Variants in FRAS1 observed in about 807,000 individuals in gnomAD.
FRAS1 encodes extracellular matrix organizing protein FRAS1.
FRAS1 carries 290 observed loss-of-function variants against 435.2 expected under a neutral mutation model. That is an observed-to-expected ratio of 0.67 (90% CI 0.61 to 0.73). The LOEUF is 0.73. Among genes scored for constraint, FRAS1 ranks in the 30% least tolerant of loss-of-function variants. FRAS1 has a pLI of 0.00. For synonymous variants in FRAS1, 1,800 were observed against 1,851.0 expected, an observed-to-expected ratio of 0.97 and a Z score of 0.71; for missense variants, 4,860 against 5,001.5, an observed-to-expected ratio of 0.97 and a Z score of 0.85.
intron 9 of FRAS1, among the ~76,000 whole-genome samples, chr4:78,276,689 G>T (rs945344373): frequency 6.6e-6 from 1 of 152,192 alleles, no homozygotes; most frequent in Admixed American, 6.5e-5. Flanking sequence ...TTGTCTCAGA[G>T]GGGCACCCGG....
At chr4:78,230,890 A>G (rs1425860622) in intron 2 of FRAS1, among the ~76,000 whole-genome samples, 1 of 152,200 alleles carries the variant, frequency 6.6e-6, no homozygotes, top group Non-Finnish European at 1.5e-5. Context: ...TCCAGGGTCT[A>G]TCTACATATA....
chr4:78,426,889 A>C (rs1489788828), intron 35 of FRAS1, among the ~76,000 whole-genome samples: 1 of 152,188 alleles, frequency 6.6e-6, no homozygotes, highest in Non-Finnish European at 1.5e-5. Context: ...GCTTTTTTCC[A>C]CTTACTTACA....
intron 9 of FRAS1, among the ~76,000 whole-genome samples, chr4:78,270,134 C>G (rs1726577911): frequency 6.6e-6 from 1 of 152,118 alleles, no homozygotes; most frequent in African/African-American, 2.4e-5. Context: ...GAGTGAACTC[C>G]CCACTGCAGT....
At chr4:78,506,685 TC>T (rs1309045115) in intron 61 of FRAS1, among the ~76,000 whole-genome samples, 7 of 151,940 alleles carry the variant, frequency 4.6e-5, no homozygotes, top group Non-Finnish European at 1.0e-4. Flanking sequence ...GAAAAGGAAA[TC>T]CCCCGACCCC....
At chr4:78,364,299 T>A (rs1731185428) in intron 22 of FRAS1, among the ~76,000 whole-genome samples, 1 of 152,230 alleles carries the variant, frequency 6.6e-6, no homozygotes, top group African/African-American at 2.4e-5. Context: ...CTGTATGATC[T>A]TGGGCAGGTT....
intron 25 of FRAS1, 54 bp downstream of exon 25, chr4:78,374,305 C>T: frequency 2.7e-6 from 4 of 1,492,840 alleles, no homozygotes; most frequent in Non-Finnish European, 3.6e-6. Context: ...GCAAGTAAGT[C>T]ACATGTGCTG....
At chr4:78,427,921 T>C (rs1734057946) in intron 35 of FRAS1, among the ~76,000 whole-genome samples, 1 of 152,210 alleles carries the variant, frequency 6.6e-6, no homozygotes, top group Non-Finnish European at 1.5e-5. Flanking sequence ...CAGAAGAAAG[T>C]GAGGAAGGAA....
chr4:78,237,434 C>A, intron 2 of FRAS1, 76 bp from the exon 3 acceptor site: 1 of 965,320 alleles, frequency 1.0e-6, no homozygotes, highest in Non-Finnish European at 1.7e-6. Context: ...GGATGTGGGA[C>A]TATTGATGGT....
intron 9 of FRAS1, among the ~76,000 whole-genome samples, chr4:78,276,673 G>A (rs1382774884): frequency 6.6e-6 from 1 of 152,218 alleles, no homozygotes; most frequent in Non-Finnish European, 1.5e-5. Context: ...CATTCCTCTG[G>A]AAGCTTTGTC....
At chr4:78,463,009 A>G (rs1257083623) in intron 47 of FRAS1, among the ~76,000 whole-genome samples, 1 of 152,232 alleles carries the variant, frequency 6.6e-6, no homozygotes, top group Non-Finnish European at 1.5e-5. Flanking sequence ...CCCAGAAAAC[A>G]GCAAATCAAT....
chr4:78,228,310 A>C (rs759465558), intron 2 of FRAS1, among the ~76,000 whole-genome samples: 1 of 152,210 alleles, frequency 6.6e-6, no homozygotes, highest in Non-Finnish European at 1.5e-5. Flanking sequence ...TGGAAAGATG[A>C]GGCACATGTT....
chr4:78,397,707 C>T (rs936475606), intron 29 of FRAS1, among the ~76,000 whole-genome samples: 2 of 152,158 alleles, frequency 1.3e-5, no homozygotes, highest in Admixed American at 6.5e-5. Context: ...TTCCCTGTTC[C>T]TTACTGTCCC....
chr4:78,528,446 C>T (rs983155299), intron 70 of FRAS1, among the ~76,000 whole-genome samples: 1 of 152,140 alleles, frequency 6.6e-6, no homozygotes, highest in Non-Finnish European at 1.5e-5. Context: ...TGCAGATAAC[C>T]ACAGATCTGT....
chr4:78,185,085 G>A (rs1022351919), intron 2 of FRAS1, among the ~76,000 whole-genome samples: 8 of 152,188 alleles, frequency 5.3e-5, no homozygotes, highest in African/African-American at 1.7e-4. Context: ...TGTCTACCAT[G>A]ATGCTTCTAG....
rs1437635537 is a variant in FRAS1, at chr4:78,369,743, G to A, written c.2723-95G>A. ...TGAAATGTAGAGCAGGTTGGAACAAGGCTTTGTTCCTATGCAACATCTGTC... is the reference window on the plus strand; with the variant it reads ...TGAAATGTAGAGCAGGTTGGAACAAAGCTTTGTTCCTATGCAACATCTGTC... On this transcript the variant is annotated intron_variant, in intron 22 of 73. Transcript: ENST00000512123. 12 of 1,125,962 alleles carry A rather than the reference G, an allele frequency of 1.1e-5. No individual in the cohort carries two copies. The East Asian group carries it at 2.6e-4, about 24-fold the overall frequency. 69.7% of individuals were successfully genotyped at this position (1,125,962 alleles called of 1,614,324 possible).
intron 2 of FRAS1, among the ~76,000 whole-genome samples, chr4:78,087,415 T>C (rs1311022971): frequency 6.6e-6 from 1 of 152,170 alleles, no homozygotes; most frequent in Non-Finnish European, 1.5e-5. Context: ...GTGTTGGAAG[T>C]TCTGGCCAGG....
chr4:78,315,736 T>A lies in FRAS1; in HGVS notation c.1819+2T>A. On this transcript the variant is annotated splice_donor_variant, in intron 16 of 73. Coordinates refer to ENST00000512123, the MANE Select transcript of FRAS1 (RefSeq NM_025074.7). LOFTEE classifies it high-confidence loss of function. ...CTGATGCCACTGGCAGGTGCAAAGG[T>A]AAGAGATGGGTCACCATCATCATCA... The A allele has an allele frequency of 6.2e-7, 1 of 1,613,882 alleles. No homozygotes were observed. Among genetic ancestry groups the A allele is most frequent in the Non-Finnish European group, 8.5e-7 (1 of 1,179,820 alleles).
At chr4:78,499,979 G>T (rs1031450572) in intron 61 of FRAS1, 58 bp downstream of exon 61, 4 of 1,317,616 alleles carry the variant, frequency 3.0e-6, no homozygotes, top group African/African-American at 1.5e-5. Flanking sequence ...CAAAAATCTT[G>T]TATTTGAAGA....
At chr4:78,428,804 A>T (rs1734098198) in intron 35 of FRAS1, among the ~76,000 whole-genome samples, 1 of 152,180 alleles carries the variant, frequency 6.6e-6, no homozygotes, top group African/African-American at 2.4e-5. Context: ...ACTAACATTT[A>T]TCAAGATCAC....
Sources: allele counts gnomAD v4.1 joint callset (sites outside exome capture counted in the v4.1 genomes callset), GRCh38; gene constraint gnomAD v4.1.1; transcripts MANE v1.5; gene names NCBI Gene and HGNC (gene_info 2026-07-23, HGNC 2026-07-21).